The following ZBTB20 variants were observed in gnomAD, a reference collection of about 807,000 sequenced individuals.
The protein encoded by ZBTB20 is zinc finger and BTB domain-containing protein 20.
A neutral mutation model predicts 56.9 loss-of-function variants in ZBTB20; 9 were observed. That is an observed-to-expected ratio of 0.16 (90% CI 0.10 to 0.28). The LOEUF (loss-of-function observed/expected upper bound fraction) is 0.28, where lower values mean the gene tolerates loss of function less well. Ranked by LOEUF, ZBTB20 falls within the 10% of genes least tolerant of loss-of-function variation. The pLI is 1.00. For missense variants in ZBTB20, 655 were observed against 1,003.0 expected, an observed-to-expected ratio of 0.65 and a Z score of 4.69; for synonymous variants, 417 against 420.7, an observed-to-expected ratio of 0.99 and a Z score of 0.11.
chr3:114,874,318 A>G (rs2076115760), intron 4 of ZBTB20, among the ~76,000 whole-genome samples: 1 of 152,234 alleles, frequency 6.6e-6, no homozygotes, highest in Non-Finnish European at 1.5e-5. Context: ...TAGATATCAC[A>G]GCATTTCATT....
intron 5 of ZBTB20, among the ~76,000 whole-genome samples, chr3:114,705,344 CCTATA>C (rs1233802245): frequency 6.6e-6 from 1 of 152,064 alleles, no homozygotes; most frequent in Non-Finnish European, 1.5e-5. Context: ...CAGCACATGC[CCTATA>C]CTAGAGAACT....
chr3:114,786,583 TATA>T (rs1204723319), intron 5 of ZBTB20, among the ~76,000 whole-genome samples: 2 of 151,184 alleles, frequency 1.3e-5, no homozygotes, highest in South Asian at 4.2e-4. Context: ...GTATCAGAAA[TATA>T]ATAATAATAG....
At chr3:114,431,654 C>T (rs749907104) in intron 7 of ZBTB20, among the ~76,000 whole-genome samples, 3 of 152,108 alleles carry the variant, frequency 2.0e-5, no homozygotes, top group Non-Finnish European at 4.4e-5. Flanking sequence ...ACAGGAAGTG[C>T]GTCCACCAAC....
At chr3:114,776,920 G>C (rs1578819193) in intron 5 of ZBTB20, among the ~76,000 whole-genome samples, 1 of 152,092 alleles carries the variant, frequency 6.6e-6, no homozygotes. Flanking sequence ...TCTAATGCTG[G>C]TTTGCATTTT....
intron 11 of ZBTB20, among the ~76,000 whole-genome samples, chr3:114,340,863 A>G (rs1039387229): frequency 6.6e-6 from 1 of 152,224 alleles, no homozygotes; most frequent in Non-Finnish European, 1.5e-5. Context: ...CACTTAAAAT[A>G]TATGCCTTGA....
At chr3:115,073,830 T>A (rs1008676597) in intron 1 of ZBTB20, among the ~76,000 whole-genome samples, 1 of 5,774 alleles carries the variant, frequency 1.7e-4, no homozygotes, top group Non-Finnish European at 2.5e-3. Context: ...AACTTAATTC[T>A]AGTAAACTAA....
At chr3:115,124,226 G>T (rs2084260974) in intron 1 of ZBTB20, among the ~76,000 whole-genome samples, 1 of 152,180 alleles carries the variant, frequency 6.6e-6, no homozygotes, top group South Asian at 2.1e-4. Context: ...GTTAAATTAA[G>T]AAATTATGAT....
At chr3:114,967,998 T>C (rs1287305069) in intron 3 of ZBTB20, among the ~76,000 whole-genome samples, 1 of 151,960 alleles carries the variant, frequency 6.6e-6, no homozygotes, top group African/African-American at 2.4e-5. Flanking sequence ...ATGCTAGAGT[T>C]GTATAAAAGA....
At chr3:114,993,306 A>C in intron 2 of ZBTB20, among the ~76,000 whole-genome samples, 1 of 152,008 alleles carries the variant, frequency 6.6e-6, no homozygotes, top group African/African-American at 2.4e-5. Flanking sequence ...GACTCTAAGA[A>C]GGTGATATTT....
chr3:114,343,050 A>C (rs2079908306), intron 11 of ZBTB20, among the ~76,000 whole-genome samples: 1 of 152,022 alleles, frequency 6.6e-6, no homozygotes, highest in Non-Finnish European at 1.5e-5. Flanking sequence ...GGGCGTGGTA[A>C]AAGTATACGT....
chr3:114,530,701 T>C (rs2047747140), intron 6 of ZBTB20, among the ~76,000 whole-genome samples: 1 of 152,214 alleles, frequency 6.6e-6, no homozygotes, highest in Non-Finnish European at 1.5e-5. Flanking sequence ...TATTAACTAC[T>C]GTCTCAAAAT....
chr3:114,930,325 GA>G (rs1163209912), intron 3 of ZBTB20, among the ~76,000 whole-genome samples: 4 of 151,810 alleles, frequency 2.6e-5, no homozygotes, highest in Admixed American at 6.5e-5. Flanking sequence ...TTATAAAGGA[GA>G]AAAAAATGAA....
chr3:114,548,521 T>C (rs1028224733), intron 6 of ZBTB20, among the ~76,000 whole-genome samples: 6 of 151,204 alleles, frequency 4.0e-5, no homozygotes, highest in Non-Finnish European at 5.9e-5. Context: ...TATTTTCTTT[T>C]TTTTTTTTTC....
At chr3:114,535,887 T>C (rs1253372493) in intron 6 of ZBTB20, among the ~76,000 whole-genome samples, 1 of 151,660 alleles carries the variant, frequency 6.6e-6, no homozygotes, top group East Asian at 1.9e-4. Flanking sequence ...TTAGAGCCAA[T>C]GACAAAAGCC....
intron 1 of ZBTB20, among the ~76,000 whole-genome samples, chr3:115,125,458 A>T (rs1399898756): frequency 6.6e-6 from 1 of 152,200 alleles, no homozygotes; most frequent in Non-Finnish European, 1.5e-5. Flanking sequence ...ACACTATACC[A>T]AGTGAAATAA....
intron 1 of ZBTB20, among the ~76,000 whole-genome samples, chr3:115,118,579 T>C (rs1407823745): frequency 6.6e-6 from 1 of 152,160 alleles, no homozygotes; most frequent in African/African-American, 2.4e-5. Flanking sequence ...CTAACCGTTT[T>C]ACACTAAGAA....
At chr3:115,004,267 A>G (rs1420076820) in intron 2 of ZBTB20, among the ~76,000 whole-genome samples, 1 of 151,674 alleles carries the variant, frequency 6.6e-6, no homozygotes, top group East Asian at 2.0e-4. Context: ...TTTGTCCTCA[A>G]AAGAGTACAG....
intron 6 of ZBTB20, among the ~76,000 whole-genome samples, chr3:114,574,617 C>A (rs2053807973): frequency 6.6e-6 from 1 of 152,114 alleles, no homozygotes; most frequent in African/African-American, 2.4e-5. Flanking sequence ...GCTTCAACTT[C>A]ATTTCTGATT....
Position 114,411,033 on chromosome 3 carries a change from T to C in ZBTB20, c.-254-21928A>G, listed in dbSNP as rs2087897722. ...GCTCTTAAAACATGGCTTTGACTCA[T>C]AAAAAATGTAGCTGGGATGGATGGC... On this transcript the variant is annotated intron_variant, in intron 7 of 11. Transcript: ENST00000675478. Among the ~76,000 whole-genome samples, 3 of 152,258 alleles carry C rather than the reference T, an allele frequency of 2.0e-5. No homozygotes were observed. The South Asian group carries it at 6.2e-4, about 32-fold the overall frequency.
Sources: allele counts gnomAD v4.1 joint callset (sites outside exome capture counted in the v4.1 genomes callset), GRCh38; gene constraint gnomAD v4.1.1; transcripts MANE v1.5; gene names NCBI Gene and HGNC (gene_info 2026-07-23, HGNC 2026-07-21).